Variants in PIPOX observed in about 807,000 individuals in gnomAD.
PIPOX encodes pipecolic acid and sarcosine oxidase.
A neutral mutation model predicts 47.9 loss-of-function variants in PIPOX; 45 were observed. The ratio of observed to expected loss-of-function variants is 0.94; its 90% CI spans 0.74 to 1.20. The LOEUF (loss-of-function observed/expected upper bound fraction) is 1.20, where lower values mean the gene tolerates loss of function less well. Among genes scored for constraint, PIPOX ranks in the 50% most tolerant of loss-of-function variants. PIPOX has a pLI of 0.00. For missense variants in PIPOX, 458 were observed against 498.4 expected, an observed-to-expected ratio of 0.92 and a Z score of 0.77; for synonymous variants, 165 against 191.3, an observed-to-expected ratio of 0.86 and a Z score of 1.13.
Position 29,044,943 on chromosome 17 carries a change from A to G in PIPOX, c.199A>G (p.Met67Val). 1 of 1,614,162 alleles carries G rather than the reference A, an allele frequency of 6.2e-7. No homozygotes were observed. Among genetic ancestry groups the G allele is most frequent in the Non-Finnish European group, 8.5e-7 (1 of 1,180,018 alleles). Reference sequence around the variant, plus strand: ...GTACCTGGAAGACTTTTACACCCGGATGATGCATGAGTGCTATCAGATATG... The same window carrying G: ...GTACCTGGAAGACTTTTACACCCGGGTGATGCATGAGTGCTATCAGATATG... ...KAYLEDFYTRMMHECYQIWAQ... is the reference protein window; with the variant it reads ...KAYLEDFYTRVMHECYQIWAQ... The change falls in exon 2 of 8, where the codon ATG becomes GTG. Residue 67 changes from methionine (M) to valine (V), a missense_variant. Physicochemically the swap from Met to Val is conservative, Grantham distance 21 (BLOSUM62 1). Coordinates refer to ENST00000323372, the MANE Select transcript of PIPOX (RefSeq NM_016518.3).
At chr17:29,054,442 C>A (rs2065818924) in intron 4 of PIPOX, 103 bp from the exon 5 acceptor site, 6 of 1,275,714 alleles carry the variant, frequency 4.7e-6, no homozygotes, top group Non-Finnish European at 6.7e-6. Flanking sequence ...AACTGGGTGT[C>A]CAGGCTTGTG....
intron 6 of PIPOX, 80 bp from the exon 7 acceptor site, chr17:29,055,733 A>C: frequency 3.0e-5 from 36 of 1,187,656 alleles, no homozygotes; most frequent in Non-Finnish European, 4.3e-5. Flanking sequence ...AATCCAGCCC[A>C]TCCCCTTCCA....
At position 29,055,080 on chromosome 17, in the gene PIPOX, C is replaced by T; in HGVS notation, c.825C>T (p.Gly275=). 1 of 1,614,198 alleles carries T rather than the reference C, an allele frequency of 6.2e-7. No individual in the cohort carries two copies. The highest frequency in any genetic ancestry group is 1.1e-5 in the South Asian group (1 of 91,084). ...GGAGCCAGGTCAGCTATCACCACGG[C>T]AACCACGCAGACCCTGAGGAGCGGG... ...PGLMKVSYHH[G]NHADPEERDC... The change falls in exon 6 of 8, where the codon GGC becomes GGT. Residue 275 remains glycine, a synonymous_variant. Transcript: ENST00000323372.
At chr17:29,050,099 T>A (rs2065800312) in intron 2 of PIPOX, among the ~76,000 whole-genome samples, 1 of 151,990 alleles carries the variant, frequency 6.6e-6, no homozygotes. Context: ...TCCCACATAG[T>A]ACATCCCTGT....
chr17:29,053,227 GC>G lies in PIPOX; in HGVS notation c.477+96del, dbSNP rs2065813856. The stretch of plus-strand genomic sequence containing the variant: ...AGCCCAAGACCCCCCTCTGGATGAG[GC>G]CTTTGCCCTGCAGGCTTTAGTCTTG... On this transcript the variant is annotated intron_variant, in intron 3 of 7. Transcript: ENST00000323372. The G allele has an allele frequency of 2.3e-6, 3 of 1,325,002 alleles. No individual in the cohort carries two copies. In the South Asian group the frequency reaches 3.7e-5, roughly 16 times the overall value. 82.1% of individuals were successfully genotyped at this position (1,325,002 alleles called of 1,614,324 possible). A position where few individuals can be genotyped will look rare whatever the true frequency, so the allele number is the denominator to read the frequency against.
At position 29,043,236 on chromosome 17, in the gene PIPOX, A is replaced by C. The variant is rs746788982; in HGVS notation, c.11A>C (p.Gln4Pro). The change falls in exon 1 of 8, where the codon CAG (glutamine) becomes CCG (proline). Residue 4 changes from glutamine to proline, a missense_variant. By Grantham distance (76) the Gln-to-Pro change is moderately conservative (BLOSUM62 -1). Transcript: ENST00000323372. MAA[Q>P]KDLWDAIVIG... Reference sequence around the variant, plus strand: ...GGGCTGAGTGGCATCATGGCGGCTCAGAAAGATCTCTGGGACGCCATTGTG... The same window carrying C: ...GGGCTGAGTGGCATCATGGCGGCTCCGAAAGATCTCTGGGACGCCATTGTG... 7 of 1,613,036 alleles carry C rather than the reference A, an allele frequency of 4.3e-6. No homozygotes were observed. The East Asian group carries it at 1.6e-4, about 36-fold the overall frequency.
Position 29,052,974 on chromosome 17 carries a change from C to T in PIPOX, c.318C>T (p.Ile106=), listed in dbSNP as rs1344296609. The T allele has an allele frequency of 6.8e-6, 11 of 1,614,140 alleles. No individual in the cohort carries two copies. Among genetic ancestry groups the T allele is most frequent in the African/African-American group, 1.3e-5 (1 of 74,952 alleles). The stretch of plus-strand genomic sequence containing the variant: ...AAGAGAATCAAGAATTAAAGACAAT[C>T]CAGGCCAATCTGTCGAGGCAGAGGG... ...GMKENQELKT[I]QANLSRQRVE... The change falls in exon 3 of 8, where the codon ATC becomes ATT. Residue 106 remains isoleucine (I), a synonymous_variant. Coordinates refer to ENST00000323372, the MANE Select transcript of PIPOX (RefSeq NM_016518.3).
At chr17:29,051,017 G>A (rs963915173) in intron 2 of PIPOX, among the ~76,000 whole-genome samples, 3 of 151,438 alleles carry the variant, frequency 2.0e-5, no homozygotes, top group African/African-American at 7.3e-5. Flanking sequence ...AGCTACTCCA[G>A]AGGCTGAGGC....
At chr17:29,054,205 T>A (rs2065818005) in intron 4 of PIPOX, among the ~76,000 whole-genome samples, 1 of 151,624 alleles carries the variant, frequency 6.6e-6, no homozygotes, top group African/African-American at 2.4e-5. Flanking sequence ...TAAAATAAAA[T>A]AAAAATAAAG....
intron 6 of PIPOX, 59 bp from the exon 7 acceptor site, chr17:29,055,754 G>C (rs2065825248): frequency 1.3e-5 from 17 of 1,357,994 alleles, no homozygotes; most frequent in Non-Finnish European, 1.8e-5. Flanking sequence ...GTTAGAGCCT[G>C]CAGTTCTTTC....
chr17:29,053,195 A>G lies in PIPOX; in HGVS notation c.477+62A>G, dbSNP rs533411214. The G allele has an allele frequency of 3.0e-5, 46 of 1,514,402 alleles. No homozygotes were observed. In the Admixed American group the frequency reaches 7.7e-4, roughly 26 times the overall value. The allele number at this position is 1,514,402 out of a possible 1,614,324, so 93.8% of individuals were successfully genotyped here. A position where few individuals can be genotyped will look rare whatever the true frequency, so the allele number is the denominator to read the frequency against. The stretch of plus-strand genomic sequence containing the variant: ...CCTGCTCTGGGTGTCCTGGGTCCCA[A>G]GCAGCCAGCCCAAGACCCCCCTCTG... On this transcript the variant is annotated intron_variant, in intron 3 of 7. Transcript: ENST00000323372.
chr17:29,044,831 C>T (rs1568017939), intron 1 of PIPOX, 28 bp from the exon 2 acceptor site: 1 of 1,595,050 alleles, frequency 6.3e-7, no homozygotes, highest in East Asian at 2.2e-5. Context: ...TAATGGCTTC[C>T]ATCATCTCTC....
intron 2 of PIPOX, among the ~76,000 whole-genome samples, chr17:29,050,313 C>A (rs1598237738): frequency 6.6e-6 from 1 of 152,304 alleles, no homozygotes; most frequent in East Asian, 1.9e-4. Context: ...CCAGGTCTGT[C>A]CCAGAATCCC....
chr17:29,054,482 G>A, intron 4 of PIPOX, 63 bp from the exon 5 acceptor site: 1 of 1,589,292 alleles, frequency 6.3e-7, no homozygotes, highest in Non-Finnish European at 8.6e-7. Context: ...CAGAGAAACT[G>A]CTTTCATTGC....
At chr17:29,050,103 T>A (rs1171624318) in intron 2 of PIPOX, among the ~76,000 whole-genome samples, 1 of 151,190 alleles carries the variant, frequency 6.6e-6, no homozygotes, top group Non-Finnish European at 1.5e-5. Flanking sequence ...ACATAGTACA[T>A]CCCTGTAAGA....
rs7225763 is a variant in PIPOX, at chr17:29,043,360, C to T, written c.114+21C>T. On this transcript the variant is annotated intron_variant, in intron 1 of 7. Coordinates refer to ENST00000323372, the MANE Select transcript of PIPOX (RefSeq NM_016518.3). ...AGCAGGTACTGTGTCCCTTCTGCAC[C>T]CCCAGCTGTAAGGACTGTCCTACCC... 1.2e-3 allele frequency: 1,865 copies of T among 1,557,140 alleles called. 12 individuals are homozygous for T. The African/African-American group carries it at 0.023, about 19-fold the overall frequency.
chr17:29,043,172 G>A lies in PIPOX; in HGVS notation c.-54G>A. Reference sequence around the variant, plus strand: ...CTCCTCGTCCTTTAGCCGGGAGCCTGTCTTTGCTTGCCTTTGCCTTTGAGG... The same window carrying A: ...CTCCTCGTCCTTTAGCCGGGAGCCTATCTTTGCTTGCCTTTGCCTTTGAGG... On this transcript the variant is annotated 5_prime_UTR_variant, in exon 1 of 8. Coordinates refer to ENST00000323372, the MANE Select transcript of PIPOX (RefSeq NM_016518.3). 7.1e-7 allele frequency: 1 copy of A among 1,411,564 alleles called. No homozygotes were observed. The allele number at this position is 1,411,564 out of a possible 1,614,324, so 87.4% of individuals were successfully genotyped here.
At chr17:29,053,784 A>G in intron 4 of PIPOX, 189 bp downstream of exon 4, 1 of 474,840 alleles carries the variant, frequency 2.1e-6, no homozygotes, top group African/African-American at 1.9e-5. Flanking sequence ...CTGTTGGAGA[A>G]TTAAATTATT....
intron 2 of PIPOX, among the ~76,000 whole-genome samples, chr17:29,049,932 G>C (rs1259429767): frequency 6.6e-6 from 1 of 152,308 alleles, no homozygotes; most frequent in Admixed American, 6.5e-5. Context: ...GATTACAATC[G>C]GCACAATTAC....
Sources: gnomAD v4.1 joint callset for allele counts (sites outside exome capture counted in the v4.1 genomes callset) on GRCh38, gnomAD v4.1.1 for gene constraint, MANE v1.5 for transcripts, NCBI Gene and HGNC (gene_info 2026-07-23, HGNC 2026-07-21) for gene names.